The following KATNIP variants were observed in gnomAD, a reference collection of about 807,000 sequenced individuals.
KATNIP encodes katanin-interacting protein.
In KATNIP, 126 loss-of-function variants were observed where a neutral mutation model predicts 174.0. The observed-to-expected ratio is 0.72, with a 90% CI of 0.63 to 0.84. KATNIP has a LOEUF of 0.84. KATNIP is among the 40% of genes least tolerant of loss of function. KATNIP has a pLI of 0.00. For synonymous variants in KATNIP, 810 were observed against 835.7 expected (o/e 0.97, Z 0.53); for missense variants, 1,958 against 2,109.7 (o/e 0.93, Z 1.41).
At chr16:27,702,224 C>G (rs954975030) in intron 11 of KATNIP, among the ~76,000 whole-genome samples, 3 of 152,196 alleles carry the variant, frequency 2.0e-5, no homozygotes, top group East Asian at 3.8e-4. Flanking sequence ...TGAACCTTCT[C>G]CAGGTTTCCA....
intron 13 of KATNIP, 130 bp downstream of exon 13, chr16:27,709,050 GGCTC>G (rs2079449679): frequency 1.5e-6 from 1 of 683,356 alleles, no homozygotes; most frequent in African/African-American, 1.8e-5. Flanking sequence ...CAGGTACAGA[GGCTC>G]ACACCTGTAA....
At chr16:27,600,931 C>T (rs1391327461) in intron 2 of KATNIP, among the ~76,000 whole-genome samples, 1 of 152,022 alleles carries the variant, frequency 6.6e-6, no homozygotes, top group East Asian at 1.9e-4. Flanking sequence ...CAGGGTTTCA[C>T]CATGTTGGCC....
rs1567399609 is a variant in KATNIP, at chr16:27,751,811, G to A, written c.3439G>A (p.Val1147Met). 20 of 1,614,146 alleles carry A rather than the reference G, an allele frequency of 1.2e-5. No homozygotes were observed. Among genetic ancestry groups the A allele is most frequent in the South Asian group, 2.2e-5 (2 of 91,090 alleles). Residue 1147 changes from valine (V) to methionine (M), a missense_variant, in exon 17 of 28, where the codon GTG becomes ATG. Coordinates refer to ENST00000261588, the MANE Select transcript of KATNIP (RefSeq NM_015202.5). ...TTCTGATGAGATGTTTGACCTGGATGTGGGGAGCCTGGACAGCCTGCAGGA... is the reference window on the plus strand; with the variant it reads ...TTCTGATGAGATGTTTGACCTGGATATGGGGAGCCTGGACAGCCTGCAGGA... ...FYSDEMFDLD[V>M]GSLDSLQDEE...
rs779855826 is a variant in KATNIP at position 27,750,300 on chromosome 16, G to T, written c.3340G>T (p.Ala1114Ser). 5.1e-5 allele frequency: 82 copies of T among 1,607,986 alleles called. No individual in the cohort carries two copies. Among genetic ancestry groups the T allele is most frequent in the Non-Finnish European group, 6.9e-5 (81 of 1,176,630 alleles). ...GEIAKASGTLAGAPEHFGDTI... is the reference protein window; with the variant it reads ...GEIAKASGTLSGAPEHFGDTI... ...AATCGCCAAGGCCTCTGGAACCCTG[G>T]CGGGAGGTATGGCGTGTCTGTAAGA... Residue 1114 changes from alanine to serine, a missense_variant, in exon 16 of 28, where the codon GCG becomes TCG. By Grantham distance (99) the Ala-to-Ser change is moderately conservative. Transcript: ENST00000261588.
At chr16:27,691,520 G>A (rs1024564534) in intron 8 of KATNIP, among the ~76,000 whole-genome samples, 1 of 152,314 alleles carries the variant, frequency 6.6e-6, no homozygotes, top group Non-Finnish European at 1.5e-5. Context: ...CCAAGTGAGC[G>A]ATGAGAGCAT....
chr16:27,773,345 C>T, intron 23 of KATNIP, 136 bp downstream of exon 23: 1 of 590,720 alleles, frequency 1.7e-6, no homozygotes. Context: ...TGCTTATAGT[C>T]AGATGCTGAC....
intron 8 of KATNIP, among the ~76,000 whole-genome samples, chr16:27,685,726 G>T (rs191931897): frequency 4.6e-5 from 7 of 152,230 alleles, no homozygotes; most frequent in African/African-American, 1.4e-4. Flanking sequence ...AATATACTTG[G>T]CTCTAACATA....
chr16:27,630,099 A>C (rs561723530), intron 4 of KATNIP, among the ~76,000 whole-genome samples: 1 of 152,364 alleles, frequency 6.6e-6, no homozygotes, highest in Admixed American at 6.5e-5. Flanking sequence ...AATGCCTTTA[A>C]GGTAGGCTGC....
At chr16:27,763,952 C>T (rs1320493556) in intron 19 of KATNIP, among the ~76,000 whole-genome samples, 2 of 152,162 alleles carry the variant, frequency 1.3e-5, no homozygotes, top group Non-Finnish European at 2.9e-5. Flanking sequence ...ATCTAGAGGC[C>T]TGATCAGATT....
intron 2 of KATNIP, among the ~76,000 whole-genome samples, chr16:27,590,512 C>T (rs990852385): frequency 2.6e-5 from 4 of 152,084 alleles, no homozygotes; most frequent in Non-Finnish European, 4.4e-5. Context: ...CCAATACTTA[C>T]GGGCAGAGGG....
rs552376240 is a variant in KATNIP, at chr16:27,599,918, A to G, written c.64-18507A>G. ...GCGTCTGCTGCCTTAGCACGCCTCC[A>G]CTTTGCTTTGAGCACTCTCCCCTCT... On this transcript the variant is annotated intron_variant, in intron 2 of 27. Transcript: ENST00000261588. Among the ~76,000 whole-genome samples the G allele has an allele frequency of 2.6e-5, 4 of 151,946 alleles. No homozygotes were observed. The South Asian group carries it at 8.3e-4, about 32-fold the overall frequency.
chr16:27,689,068 A>G (rs1040305013), intron 8 of KATNIP, among the ~76,000 whole-genome samples: 1 of 152,230 alleles, frequency 6.6e-6, no homozygotes, highest in Non-Finnish European at 1.5e-5. Context: ...GGTGCTGTGA[A>G]GATCATAGTG....
intron 3 of KATNIP, among the ~76,000 whole-genome samples, chr16:27,624,518 C>T (rs912678880): frequency 1.3e-5 from 2 of 152,076 alleles, no homozygotes; most frequent in East Asian, 1.9e-4. Flanking sequence ...TCACTTGTTC[C>T]AGAAACAGGC....
At chr16:27,676,062 C>T (rs970132556) in intron 6 of KATNIP, among the ~76,000 whole-genome samples, 9 of 152,204 alleles carry the variant, frequency 5.9e-5, no homozygotes, top group African/African-American at 2.2e-4. Flanking sequence ...TCTGGATAGG[C>T]TGAAAATCAT....
intron 2 of KATNIP, among the ~76,000 whole-genome samples, chr16:27,580,656 A>G (rs901615212): frequency 6.8e-6 from 1 of 147,884 alleles, no homozygotes; most frequent in Admixed American, 6.8e-5. Context: ...TCCTTTACCC[A>G]CCCATCCATT....
chr16:27,665,394 T>G (rs959098255), intron 6 of KATNIP, among the ~76,000 whole-genome samples: 2 of 151,892 alleles, frequency 1.3e-5, no homozygotes, highest in African/African-American at 4.8e-5. Flanking sequence ...CATGAGCCAC[T>G]GTGCCCAGCA....
chr16:27,702,812 C>T (rs1473332748), intron 11 of KATNIP, among the ~76,000 whole-genome samples: 4 of 152,178 alleles, frequency 2.6e-5, no homozygotes, highest in Non-Finnish European at 5.9e-5. Flanking sequence ...CTCCAGGCCC[C>T]AGGTGGAAAT....
At chr16:27,626,178 C>G (rs1409724227) in intron 3 of KATNIP, among the ~76,000 whole-genome samples, 3 of 151,980 alleles carry the variant, frequency 2.0e-5, no homozygotes, top group African/African-American at 7.3e-5. Context: ...TTTATTCTGC[C>G]TTTTTCATCA....
chr16:27,703,880 C>T lies in KATNIP; in HGVS notation c.1287-16C>T, dbSNP rs2079195706. 1 of 1,606,760 alleles carries T rather than the reference C, an allele frequency of 6.2e-7. No homozygotes were observed. Among genetic ancestry groups the T allele is most frequent in the Non-Finnish European group, 8.5e-7 (1 of 1,173,272 alleles). On this transcript the variant is annotated splice_polypyrimidine_tract_variant and intron_variant, in intron 11 of 27. Transcript: ENST00000261588. ...ATTTACTACTTCCTGTTTGCTAAAA[C>T]CAAATCCCATTTCAGACAACAGCAG...
Sources: gnomAD v4.1 joint callset for allele counts (sites outside exome capture counted in the v4.1 genomes callset) on GRCh38, gnomAD v4.1.1 for gene constraint, MANE v1.5 for transcripts, NCBI Gene and HGNC (gene_info 2026-07-23, HGNC 2026-07-21) for gene names.